SAE1: variants seen among roughly 807,000 people sequenced by gnomAD.
SAE1 encodes the protein SUMO1 activating enzyme subunit 1, also known as SUMO-activating enzyme subunit 1.
In SAE1, 11 loss-of-function variants were observed where a neutral mutation model predicts 40.6. That is an observed-to-expected ratio of 0.27 (90% confidence interval 0.17 to 0.45). The LOEUF (loss-of-function observed/expected upper bound fraction) is 0.45, where lower values mean the gene tolerates loss of function less well. Among genes scored for constraint, SAE1 ranks in the 20% least tolerant of loss-of-function variants. SAE1 has a pLI of 1.00. For missense variants in SAE1, 373 were observed against 427.3 expected (o/e 0.87, Z 1.12); for synonymous variants, 155 against 154.3 (o/e 1.00, Z -0.03).
intron 6 of SAE1, among the ~76,000 whole-genome samples, chr19:47,181,276 A>G (rs2058504261): frequency 2.0e-5 from 3 of 151,904 alleles, no homozygotes. Context: ...AGATCGCGCC[A>G]TTGCACTCCA....
At chr19:47,203,482 A>G (rs189225786) in intron 7 of SAE1, among the ~76,000 whole-genome samples, 189 bp from the exon 8 acceptor site, 47 of 152,308 alleles carry the variant, frequency 3.1e-4, no homozygotes, top group Non-Finnish European at 1.9e-4. Flanking sequence ...GTCTTTTCCA[A>G]CCACTTATGA....
chr19:47,179,021 G>A (rs867667284), intron 6 of SAE1, among the ~76,000 whole-genome samples: 6 of 151,394 alleles, frequency 4.0e-5, no homozygotes, highest in South Asian at 2.1e-4. Context: ...GTGAAACCTC[G>A]TCTCTACTAA....
At chr19:47,169,660 G>A (rs2058418352) in intron 5 of SAE1, among the ~76,000 whole-genome samples, 158 bp from the exon 6 acceptor site, 1 of 152,198 alleles carries the variant, frequency 6.6e-6, no homozygotes, top group Non-Finnish European at 1.5e-5. Context: ...CACACAGTGA[G>A]TGTTCAATAA....
chr19:47,162,105 G>T (rs1211238828), intron 5 of SAE1, among the ~76,000 whole-genome samples: 2 of 152,200 alleles, frequency 1.3e-5, no homozygotes, highest in African/African-American at 4.8e-5. Context: ...ATTACATTCT[G>T]TTCCATCATC....
intron 6 of SAE1, among the ~76,000 whole-genome samples, chr19:47,188,174 C>T (rs1600202008): frequency 6.6e-6 from 1 of 151,878 alleles, no homozygotes; most frequent in East Asian, 1.9e-4. Context: ...CATGGTGAGA[C>T]CTCGTCTCTA....
rs1170280703 is a variant in SAE1, at chr19:47,202,799, A to G, written c.879-872A>G. Among the ~76,000 whole-genome samples the G allele has an allele frequency of 3.9e-5, 6 of 151,998 alleles. No individual in the cohort carries two copies. In the South Asian group the frequency reaches 1.0e-3, roughly 26 times the overall value. ...GTGGCGGGTGCCTGTAGTCTCAGCT[A>G]CTCAGGAGGCTGAGGCAGGAAAATG... On this transcript the variant is annotated intron_variant, in intron 7 of 8. Coordinates refer to ENST00000270225, the MANE Select transcript of SAE1 (RefSeq NM_005500.3).
chr19:47,148,415 A>T (rs1240126499), intron 2 of SAE1, among the ~76,000 whole-genome samples: 2 of 151,956 alleles, frequency 1.3e-5, no homozygotes, highest in Non-Finnish European at 2.9e-5. Context: ...TGGCAAGGTT[A>T]TTTGCAGAGA....
intron 6 of SAE1, among the ~76,000 whole-genome samples, chr19:47,192,764 T>C (rs539926576): frequency 6.6e-6 from 1 of 151,990 alleles, no homozygotes; most frequent in Admixed American, 6.6e-5. Flanking sequence ...GGTCTCAAAC[T>C]CCTGACCTCA....
Position 47,209,441 on chromosome 19 carries a change from G to A in SAE1, c.*190G>A. ...ATCACCAGCAGCTGCTCGACAAGGG[G>A]CGCAGGGTGGCTGTCTTTGTTCCAG... is the stretch of plus-strand genomic sequence containing the variant. On this transcript the variant is annotated 3_prime_UTR_variant, in exon 9 of 9. Coordinates refer to ENST00000270225, the MANE Select transcript of SAE1 (RefSeq NM_005500.3). 1.1e-6 allele frequency: 1 copy of A among 949,360 alleles called. No individual in the cohort carries two copies. The highest frequency in any genetic ancestry group is 1.6e-6 in the Non-Finnish European group (1 of 634,960). The allele number at this position is 949,360 out of a possible 1,614,324, so 58.8% of individuals were successfully genotyped here. A position where few individuals can be genotyped will look rare whatever the true frequency, so the allele number is the denominator to read the frequency against.
At chr19:47,154,720 C>T (rs1404781721) in intron 4 of SAE1, among the ~76,000 whole-genome samples, 1 of 151,644 alleles carries the variant, frequency 6.6e-6, no homozygotes, top group Non-Finnish European at 1.5e-5. Context: ...GGTCTCAAAC[C>T]CTTGACCTCA....
At chr19:47,174,589 G>A (rs1386325871) in intron 6 of SAE1, among the ~76,000 whole-genome samples, 1 of 18,216 alleles carries the variant, frequency 5.5e-5, no homozygotes, top group Non-Finnish European at 1.2e-4. Flanking sequence ...TTTTTTTTTT[G>A]TGAGACGGAG....
chr19:47,165,238 T>A (rs1296531102), intron 5 of SAE1, among the ~76,000 whole-genome samples: 1 of 150,918 alleles, frequency 6.6e-6, no homozygotes, highest in Admixed American at 6.6e-5. Flanking sequence ...TACAGGCACA[T>A]GCCACCATGT....
At chr19:47,191,235 GC>G (rs1356666002) in intron 6 of SAE1, among the ~76,000 whole-genome samples, 1 of 151,970 alleles carries the variant, frequency 6.6e-6, no homozygotes, top group African/African-American at 2.4e-5. Context: ...ACATAGTGAA[GC>G]CCCGTCACTA....
At chr19:47,144,145 C>T (rs1236419978) in intron 2 of SAE1, among the ~76,000 whole-genome samples, 1 of 151,692 alleles carries the variant, frequency 6.6e-6, no homozygotes, top group Non-Finnish European at 1.5e-5. Context: ...ACTAGCCTGG[C>T]CAACATGGCA....
At chr19:47,192,758 T>A in intron 6 of SAE1, among the ~76,000 whole-genome samples, 1 of 152,072 alleles carries the variant, frequency 6.6e-6, no homozygotes, top group Non-Finnish European at 1.5e-5. Flanking sequence ...CAGGCTGGTC[T>A]CAAACTCCTG....
intron 1 of SAE1, among the ~76,000 whole-genome samples, chr19:47,142,157 G>A (rs1411253563): frequency 6.6e-6 from 1 of 152,102 alleles, no homozygotes; most frequent in Non-Finnish European, 1.5e-5. Flanking sequence ...GCTGAGGCAG[G>A]TGGATCACTT....
At chr19:47,158,089 TG>T (rs1446216687) in intron 5 of SAE1, among the ~76,000 whole-genome samples, 1 of 67,954 alleles carries the variant, frequency 1.5e-5, no homozygotes, top group African/African-American at 5.8e-5. Flanking sequence ...GAGTGCAGGG[TG>T]GGGGTGGGGA....
chr19:47,206,730 T>C, intron 8 of SAE1, among the ~76,000 whole-genome samples: 1 of 152,162 alleles, frequency 6.6e-6, no homozygotes, highest in South Asian at 2.1e-4. Context: ...CCCTTCCACC[T>C]GGCTAGGTTG....
chr19:47,170,267 C>T (rs1015776217), intron 6 of SAE1, among the ~76,000 whole-genome samples: 15 of 151,484 alleles, frequency 9.9e-5, no homozygotes, highest in African/African-American at 3.6e-4. Flanking sequence ...GACTGGAGTG[C>T]AGTGGGGTGC....
Sources: allele counts gnomAD v4.1 joint callset (sites outside exome capture counted in the v4.1 genomes callset), GRCh38; gene constraint gnomAD v4.1.1; transcripts MANE v1.5; gene names NCBI Gene and HGNC (gene_info 2026-07-23, HGNC 2026-07-21).